Variants in FMN1 observed in about 807,000 individuals in gnomAD.
FMN1 encodes formin-1.
FMN1 carries 110 observed loss-of-function variants against 132.4 expected under a neutral mutation model. The observed-to-expected ratio is 0.83, with a 90% CI of 0.71 to 0.97. The LOEUF is 0.97. Ranked by LOEUF, FMN1 falls within the 50% of genes least tolerant of loss-of-function variation. The pLI is 0.00. For missense variants in FMN1, 1,792 were observed against 1,705.3 expected, an observed-to-expected ratio of 1.05 and a Z score of -0.90; for synonymous variants, 722 against 651.7, an observed-to-expected ratio of 1.11 and a Z score of -1.64.
intron 6 of FMN1, among the ~76,000 whole-genome samples, chr15:33,018,475 T>TA (rs958676090): frequency 2.6e-5 from 4 of 152,118 alleles, no homozygotes; most frequent in African/African-American, 9.7e-5. Context: ...GCGTACATAA[T>TA]AGAGCTTCCG....
At chr15:33,080,743 C>G (rs1360713435) in intron 5 of FMN1, among the ~76,000 whole-genome samples, 1 of 152,102 alleles carries the variant, frequency 6.6e-6, no homozygotes, top group South Asian at 2.1e-4. Flanking sequence ...TAAAATTAGC[C>G]GGGCATGGTG....
At chr15:33,138,341 T>C (rs1219859080) in intron 4 of FMN1, among the ~76,000 whole-genome samples, 1 of 152,160 alleles carries the variant, frequency 6.6e-6, no homozygotes, top group South Asian at 2.1e-4. Flanking sequence ...CAGCTGTTGC[T>C]CCTTATCCTC....
chr15:33,011,971 T>C (rs11637416), intron 6 of FMN1: 36,602 of 224,598 alleles, frequency 0.16, 3,455 homozygotes, highest in African/African-American at 0.25. Context: ...CTATGAACAA[T>C]GATATTTTCT....
At chr15:32,982,828 A>AC (rs1404723133) in intron 7 of FMN1, among the ~76,000 whole-genome samples, 2 of 151,662 alleles carry the variant, frequency 1.3e-5, no homozygotes, top group African/African-American at 4.8e-5. Flanking sequence ...CAGGAACTAC[A>AC]CCCCCAGCCC....
chr15:32,839,112 C>T (rs1012223061), intron 17 of FMN1, among the ~76,000 whole-genome samples: 1 of 152,090 alleles, frequency 6.6e-6, no homozygotes, highest in Non-Finnish European at 1.5e-5. Flanking sequence ...GAAGAACTCT[C>T]ATGAGAAAGT....
At chr15:33,015,144 T>TA (rs1475760709) in intron 6 of FMN1, among the ~76,000 whole-genome samples, 6 of 152,196 alleles carry the variant, frequency 3.9e-5, no homozygotes, top group African/African-American at 1.4e-4. Flanking sequence ...TGCAGAGTTT[T>TA]TGTTTATTCC....
chr15:33,096,996 A>G lies in FMN1; in HGVS notation c.1868-8022T>C, dbSNP rs550998304. Among the ~76,000 whole-genome samples, 6 of 152,158 alleles carry G rather than the reference A, an allele frequency of 3.9e-5. No individual in the cohort carries two copies. The East Asian group carries it at 1.2e-3, about 29-fold the overall frequency. On this transcript the variant is annotated intron_variant, in intron 4 of 20. Coordinates refer to ENST00000616417, the MANE Select transcript of FMN1 (RefSeq NM_001277313.2). ...TTTTTTTCAGTCCAGAAATCACCTC[A>G]GTAGAAAGCATAGGTAGCCGGGCAC...
chr15:33,092,654 G>A (rs918961095), intron 4 of FMN1, among the ~76,000 whole-genome samples: 2 of 152,074 alleles, frequency 1.3e-5, no homozygotes, highest in Non-Finnish European at 2.9e-5. Flanking sequence ...CCAATCGAGT[G>A]AACCTTAGCC....
intron 7 of FMN1, among the ~76,000 whole-genome samples, chr15:33,004,769 C>G (rs1178315185): frequency 6.6e-6 from 1 of 152,106 alleles, no homozygotes; most frequent in Non-Finnish European, 1.5e-5. Flanking sequence ...TTCACAATAG[C>G]AAAAACTTGG....
At chr15:33,057,367 T>C (rs2037265464) in intron 6 of FMN1, among the ~76,000 whole-genome samples, 1 of 152,178 alleles carries the variant, frequency 6.6e-6, no homozygotes, top group African/African-American at 2.4e-5. Flanking sequence ...AGCTATATAC[T>C]CTTGTGTACT....
chr15:33,130,679 T>C (rs1277180258), intron 4 of FMN1, among the ~76,000 whole-genome samples: 1 of 152,236 alleles, frequency 6.6e-6, no homozygotes. Flanking sequence ...TTTTATGTAT[T>C]AGTTTTAAAA....
chr15:33,098,896 G>A (rs2039186117), intron 4 of FMN1, among the ~76,000 whole-genome samples: 1 of 152,084 alleles, frequency 6.6e-6, no homozygotes, highest in Non-Finnish European at 1.5e-5. Context: ...CTAGTTCCTC[G>A]GAAGCTCACA....
chr15:33,061,489 G>A (rs2037480504), intron 6 of FMN1, among the ~76,000 whole-genome samples: 1 of 151,884 alleles, frequency 6.6e-6, no homozygotes, highest in African/African-American at 2.4e-5. Flanking sequence ...TGAATGTCAA[G>A]AAACTTTGAA....
At chr15:33,072,869 G>C (rs758007883) in intron 5 of FMN1, among the ~76,000 whole-genome samples, 1 of 149,722 alleles carries the variant, frequency 6.7e-6, no homozygotes, top group Non-Finnish European at 1.5e-5. Flanking sequence ...GCTGCAGTGA[G>C]CCGAGATGCA....
intron 17 of FMN1, among the ~76,000 whole-genome samples, chr15:32,832,362 T>C (rs2058522678): frequency 6.6e-6 from 1 of 152,220 alleles, no homozygotes; most frequent in African/African-American, 2.4e-5. Flanking sequence ...CTGATGAAGC[T>C]GTAATTTGCA....
chr15:33,158,224 T>A (rs1014943147), intron 3 of FMN1, among the ~76,000 whole-genome samples: 1 of 152,096 alleles, frequency 6.6e-6, no homozygotes, highest in Non-Finnish European at 1.5e-5. Context: ...ATATCCTTTA[T>A]GAGAATTACA....
rs78330869 is a variant in FMN1 at position 32,920,883 on chromosome 15, C to G, written c.3226+5291G>C. On this transcript the variant is annotated intron_variant, in intron 10 of 20. Coordinates refer to ENST00000616417, the MANE Select transcript of FMN1 (RefSeq NM_001277313.2). ...CTATAGACATAGCTTCAGTTCTGACCTTTGTCATTTATCATCTGAACAAAC... is the reference window on the plus strand; with the variant it reads ...CTATAGACATAGCTTCAGTTCTGACGTTTGTCATTTATCATCTGAACAAAC... Among the ~76,000 whole-genome samples the G allele has an allele frequency of 8.4e-3, 1,283 of 152,266 alleles. 13 individuals are homozygous for G. Among genetic ancestry groups the G allele is most frequent in the African/African-American group, 0.029 (1,224 of 41,546 alleles).
At chr15:32,824,607 T>C (rs1032775173) in intron 17 of FMN1, among the ~76,000 whole-genome samples, 2 of 152,116 alleles carry the variant, frequency 1.3e-5, no homozygotes, top group African/African-American at 4.8e-5. Flanking sequence ...TTTTCTATCT[T>C]TTAAGAGACA....
At chr15:33,025,268 T>G (rs2035613174) in intron 6 of FMN1, among the ~76,000 whole-genome samples, 1 of 152,086 alleles carries the variant, frequency 6.6e-6, no homozygotes, top group Admixed American at 6.6e-5. Flanking sequence ...TGATATGAAA[T>G]ATCCCTCTAC....
Sources: gnomAD v4.1 joint callset for allele counts (sites outside exome capture counted in the v4.1 genomes callset) on GRCh38, gnomAD v4.1.1 for gene constraint, MANE v1.5 for transcripts, NCBI Gene and HGNC (gene_info 2026-07-23, HGNC 2026-07-21) for gene names.